TRAF2: variants seen among roughly 807,000 people sequenced by gnomAD.
The protein encoded by TRAF2 is TNF receptor associated factor 2.
TRAF2 carries 6 observed loss-of-function variants against 55.6 expected under a neutral mutation model. That is an observed-to-expected ratio of 0.11 (90% CI 0.06 to 0.21). The LOEUF (loss-of-function observed/expected upper bound fraction) is 0.21, where lower values mean the gene tolerates loss of function less well. Among genes scored for constraint, TRAF2 ranks in the 10% least tolerant of loss-of-function variants. TRAF2 has a pLI of 1.00. For missense variants in TRAF2, 561 were observed against 684.5 expected (o/e 0.82, Z 2.01); for synonymous variants, 329 against 276.3 (o/e 1.19, Z -1.89).
upstream of TRAF2, among the ~76,000 whole-genome samples, chr9:136,883,055 A>G (rs979221503): frequency 6.6e-6 from 1 of 152,130 alleles, no homozygotes; most frequent in African/African-American, 2.4e-5. Context: ...ATTTTAGTAG[A>G]GACGGGGTTT....
intron 7 of TRAF2, among the ~76,000 whole-genome samples, chr9:136,917,059 A>C (rs1036384839): frequency 6.6e-6 from 1 of 152,068 alleles, no homozygotes; most frequent in African/African-American, 2.4e-5. Context: ...CTCTCGCCTC[A>C]TGCTTCACGT....
At chr9:136,916,715 C>A in intron 7 of TRAF2, 100 bp downstream of exon 7, 1 of 1,185,762 alleles carries the variant, frequency 8.4e-7, no homozygotes, top group Non-Finnish European at 1.2e-6. Flanking sequence ...AGCTGCTCCT[C>A]AGCCACCTCT....
chr9:136,916,083 TTGTA>T (rs1294655920), intron 6 of TRAF2, among the ~76,000 whole-genome samples: 4 of 152,172 alleles, frequency 2.6e-5, no homozygotes, highest in Non-Finnish European at 2.9e-5. Context: ...GATGTTCCTG[TTGTA>T]TGTGAGTGTC....
intron 2 of TRAF2, among the ~76,000 whole-genome samples, 182 bp from the exon 3 acceptor site, chr9:136,899,412 A>G (rs574027380): frequency 1.3e-5 from 2 of 152,056 alleles, no homozygotes; most frequent in East Asian, 3.9e-4. Flanking sequence ...TGATAAAAAC[A>G]GTGTGCTGTG....
At chr9:136,885,134 A>C (rs1849421688), upstream of TRAF2, among the ~76,000 whole-genome samples, 1 of 152,160 alleles carries the variant, frequency 6.6e-6, no homozygotes, top group African/African-American at 2.4e-5. Context: ...GGGAATTCCA[A>C]CTGCAAACCA....
intron 4 of TRAF2, among the ~76,000 whole-genome samples, chr9:136,907,417 C>T (rs928313902): frequency 3.3e-5 from 5 of 152,254 alleles, no homozygotes; most frequent in East Asian, 1.9e-4. Flanking sequence ...AGTGACCTTC[C>T]TGTGTGTCAC....
At chr9:136,900,335 G>C (rs1849788809) in intron 3 of TRAF2, 87 bp from the exon 4 acceptor site, 3 of 831,086 alleles carry the variant, frequency 3.6e-6, no homozygotes, top group East Asian at 2.6e-5. Context: ...ACGCAGTATT[G>C]GTTGGTTTGG....
chr9:136,910,158 C>T lies in TRAF2; in HGVS notation c.603+164C>T, dbSNP rs576709181. The T allele has an allele frequency of 1.4e-4, 108 of 748,808 alleles. No individual in the cohort carries two copies. The South Asian group carries it at 1.5e-3, about 10-fold the overall frequency. 46.4% of individuals were successfully genotyped at this position (748,808 alleles called of 1,614,324 possible). A position where few individuals can be genotyped will look rare whatever the true frequency, so the allele number is the denominator to read the frequency against. On this transcript the variant is annotated intron_variant, in intron 6 of 10. Coordinates refer to ENST00000247668, the MANE Select transcript of TRAF2 (RefSeq NM_021138.4). ...TCATGGATGCGTTCAGGGTGGCGGC[C>T]GCTCTCCTGAGTGGGCCGGGGGCCA... is the stretch of plus-strand genomic sequence containing the variant.
At chr9:136,916,757 G>A (rs1850252175) in intron 7 of TRAF2, 142 bp downstream of exon 7, 9 of 795,546 alleles carry the variant, frequency 1.1e-5, no homozygotes, top group African/African-American at 1.8e-5. Flanking sequence ...CCGGCTGTCC[G>A]AGTGTTCCCA....
intron 6 of TRAF2, among the ~76,000 whole-genome samples, chr9:136,912,860 T>C (rs1490649225): frequency 6.6e-6 from 1 of 151,870 alleles, no homozygotes; most frequent in Non-Finnish European, 1.5e-5. Flanking sequence ...AGGCCAGTTG[T>C]GGTGGCTCAC....
chr9:136,921,975 CTT>C (rs1413012764), intron 9 of TRAF2, among the ~76,000 whole-genome samples: 1 of 152,226 alleles, frequency 6.6e-6, no homozygotes, highest in Non-Finnish European at 1.5e-5. Context: ...CTCGTGCAGA[CTT>C]TATTTTTAGG....
At chr9:136,918,282 A>G (rs902564039) in intron 7 of TRAF2, among the ~76,000 whole-genome samples, 2 of 134,074 alleles carry the variant, frequency 1.5e-5, no homozygotes, top group African/African-American at 5.6e-5. Flanking sequence ...TAATTTATTT[A>G]TTTTTGAGGT....
At chr9:136,916,857 C>T (rs1850254605) in intron 7 of TRAF2, among the ~76,000 whole-genome samples, 1 of 152,126 alleles carries the variant, frequency 6.6e-6, no homozygotes, top group African/African-American at 2.4e-5. Flanking sequence ...TGAGGATGCC[C>T]AGTGTGTGTG....
At chr9:136,891,212 G>A (rs993215493) in intron 1 of TRAF2, among the ~76,000 whole-genome samples, 1 of 152,162 alleles carries the variant, frequency 6.6e-6, no homozygotes, top group East Asian at 1.9e-4. Context: ...AGGTTTGAGC[G>A]ATTCTTCTGC....
At chr9:136,883,677 C>T (rs1849399817), upstream of TRAF2, among the ~76,000 whole-genome samples, 1 of 152,074 alleles carries the variant, frequency 6.6e-6, no homozygotes, top group Non-Finnish European at 1.5e-5. Context: ...CCACCATGCC[C>T]AGCTGATTTT....
At chr9:136,905,791 G>C (rs1208556858) in intron 4 of TRAF2, among the ~76,000 whole-genome samples, 1 of 152,112 alleles carries the variant, frequency 6.6e-6, no homozygotes, top group Admixed American at 6.5e-5. Context: ...GAGCTCAGGA[G>C]TTCAAGACCA....
In TRAF2 at chr9:136,899,621, T is replaced by C. The variant is rs749190306; in HGVS notation, c.216T>C (p.Cys72=). The change falls in exon 3 of 11, where the codon TGT becomes TGC. Residue 72 remains cysteine (C), a synonymous_variant. Coordinates refer to ENST00000247668, the MANE Select transcript of TRAF2 (RefSeq NM_021138.4). ...LSSGPQNCAA[C]VHEGIYEEGI... ...CTGGGCCTCAGAACTGTGCTGCCTGTGTTCACGAGGGCATATATGAAGAAG... is the reference window on the plus strand; with the variant it reads ...CTGGGCCTCAGAACTGTGCTGCCTGCGTTCACGAGGGCATATATGAAGAAG... The C allele has an allele frequency of 6.4e-5, 104 of 1,613,500 alleles. No individual in the cohort carries two copies. Among genetic ancestry groups the C allele is most frequent in the Non-Finnish European group, 8.7e-5 (103 of 1,179,476 alleles).
In TRAF2 at chr9:136,925,823, C is replaced by A. The variant is rs749855514; in HGVS notation, c.1428C>A (p.Ser476=). ...ASGCPLFCPV[S]KMEAKNSYVR... is the part of the protein sequence containing the mutation. ...GCTGCCCCCTCTTCTGCCCCGTCTC[C>A]AAGATGGAGGCAAAGAATTCCTACG... Residue 476 remains serine (S), a synonymous_variant, in exon 11 of 11, where the codon TCC becomes TCA. Coordinates refer to ENST00000247668, the MANE Select transcript of TRAF2 (RefSeq NM_021138.4). The A allele has an allele frequency of 1.2e-6, 2 of 1,614,248 alleles. No individual in the cohort carries two copies. The highest frequency in any genetic ancestry group is 1.3e-5 in the African/African-American group (1 of 75,066).
chr9:136,908,871 GA>G (rs11418746), intron 5 of TRAF2, among the ~76,000 whole-genome samples: 939 of 84,434 alleles, frequency 0.011, 17 homozygotes, highest in African/African-American at 0.043. Flanking sequence ...TTCCGTCTCG[GA>G]AAAAAAAAAA....
Sources: allele counts gnomAD v4.1 joint callset (sites outside exome capture counted in the v4.1 genomes callset), GRCh38; gene constraint gnomAD v4.1.1; transcripts MANE v1.5; gene names NCBI Gene and HGNC (gene_info 2026-07-23, HGNC 2026-07-21).